The following SLC9A7 variants were observed in gnomAD, a reference collection of about 807,000 sequenced individuals.
The protein encoded by SLC9A7 is solute carrier family 9 member A7, also known as sodium/hydrogen exchanger 7.
Under a neutral mutation model 52.6 loss-of-function variants are expected in SLC9A7, and 19 were observed. That is an observed-to-expected ratio of 0.36 (90% CI 0.25 to 0.53). SLC9A7 has a LOEUF of 0.53. SLC9A7 is among the 20% of genes least tolerant of loss of function. SLC9A7 has a pLI of 0.91. For missense variants in SLC9A7, 455 were observed against 597.9 expected, an observed-to-expected ratio of 0.76 and a Z score of 2.49; for synonymous variants, 226 against 252.1, an observed-to-expected ratio of 0.90 and a Z score of 0.98.
chrX:46,758,665 G>C, intron 1 of SLC9A7, 40 bp downstream of exon 1: 1 of 975,324 alleles, frequency 1.0e-6, no homozygotes, highest in East Asian at 3.6e-5. Flanking sequence ...CGCGGCGGCC[G>C]AGGGGTGTGG....
chrX:46,625,011 T>C (rs1602144761), intron 14 of SLC9A7, among the ~76,000 whole-genome samples: 1 of 110,689 alleles, frequency 9.0e-6, no homozygotes, highest in East Asian at 2.8e-4. Flanking sequence ...GTGGCGAGGG[T>C]TGGGGGGTAG....
intron 1 of SLC9A7, chrX:46,725,830 G>A (rs770446678): frequency 1.3e-4 from 74 of 590,975 alleles, no homozygotes; most frequent in Middle Eastern, 8.6e-4. Context: ...TTGAGCGGCC[G>A]CAAAGAAACC....
At chrX:46,659,015 C>T (rs1943760416) in intron 7 of SLC9A7, among the ~76,000 whole-genome samples, 1 of 111,000 alleles carries the variant, frequency 9.0e-6, no homozygotes, top group Admixed American at 9.6e-5. Flanking sequence ...CATCAAAAAG[C>T]TTATCCACCA....
rs1013354713 is a variant in SLC9A7 at position 46,606,794 on chromosome X, G to A, written c.*158C>T. Reference sequence around the variant, plus strand: ...ACACTTTTGCCTCACCATCTGCATTGTGAGTTAAATTTTAAGTGTTACAAT... The same window carrying A: ...ACACTTTTGCCTCACCATCTGCATTATGAGTTAAATTTTAAGTGTTACAAT... On this transcript the variant is annotated 3_prime_UTR_variant, in exon 17 of 17. Coordinates refer to ENST00000616978, the MANE Select transcript of SLC9A7 (RefSeq NM_001257291.2). 33 of 1,108,712 alleles carry A rather than the reference G, an allele frequency of 3.0e-5. No homozygotes were observed. The East Asian group carries it at 5.1e-4, about 17-fold the overall frequency. 91.4% of individuals were successfully genotyped at this position (1,108,712 alleles called of 1,213,427 possible).
chrX:46,635,552 G>A, intron 13 of SLC9A7, 37 bp downstream of exon 13: 1 of 1,081,767 alleles, frequency 9.2e-7, no homozygotes. Context: ...GAAAAGCCAG[G>A]CCCAGTTAAT....
chrX:46,607,845 GAGGTCAGAC>G (rs1942777390), intron 16 of SLC9A7, among the ~76,000 whole-genome samples: 1 of 111,801 alleles, frequency 8.9e-6, no homozygotes, highest in African/African-American at 3.3e-5. Context: ...GAGACGGCAC[GAGGTCAGAC>G]AGGACCTTCT....
Position 46,631,907 on chromosome X carries a change from T to G in SLC9A7, c.1677-258A>C, listed in dbSNP as rs148531977. Among the ~76,000 whole-genome samples the G allele has an allele frequency of 1.3e-3, 146 of 112,013 alleles. 2 individuals are homozygous for G. Among genetic ancestry groups the G allele is most frequent in the South Asian group, 0.012 (33 of 2,673 alleles). ...AGCAAGGCCGCCGGAACACAACACA[T>G]GCTGGCAACTGTCCACTTGCTTTTC... On this transcript the variant is annotated intron_variant, in intron 13 of 16. Coordinates refer to ENST00000616978, the MANE Select transcript of SLC9A7 (RefSeq NM_001257291.2).
Position 46,605,797 on chromosome X carries a change from C to G in SLC9A7, c.*1155G>C, listed in dbSNP as rs773558331. On this transcript the variant is annotated 3_prime_UTR_variant, in exon 17 of 17. Coordinates refer to ENST00000616978, the MANE Select transcript of SLC9A7 (RefSeq NM_001257291.2). ...CAAAATTTGGTGTTATTTCTAAACC[C>G]AGAGTAGATACTTCAGTCCTAGTGA... The G allele has an allele frequency of 9.0e-6, 1 of 111,708 alleles. No homozygotes were observed. The highest frequency in any genetic ancestry group is 1.9e-5 in the Non-Finnish European group (1 of 53,170). The allele number at this position is 111,708 out of a possible 1,213,427, so 9.2% of individuals were successfully genotyped here.
rs747518289 is a variant in SLC9A7, at chrX:46,702,209, T to C, written c.326-19674A>G. 8.9e-5 allele frequency among the ~76,000 whole-genome samples: 10 copies of C among 112,231 alleles called. 1 individual carries two copies. In the South Asian group the frequency reaches 3.0e-3, roughly 34 times the overall value. On this transcript the variant is annotated intron_variant, in intron 1 of 16. Transcript: ENST00000616978. ...TATGGATACATTTTCTTTCTGCCTCTCTGTGGCACTTTCTGGATAATTTCT... is the reference window on the plus strand; with the variant it reads ...TATGGATACATTTTCTTTCTGCCTCCCTGTGGCACTTTCTGGATAATTTCT...
intron 1 of SLC9A7, among the ~76,000 whole-genome samples, chrX:46,717,761 G>A (rs1008657456): frequency 7.2e-5 from 8 of 111,159 alleles, no homozygotes; most frequent in South Asian, 7.7e-4. Context: ...CCTCTTAAAG[G>A]AGAACTACAA....
intron 1 of SLC9A7, among the ~76,000 whole-genome samples, chrX:46,695,703 C>G: frequency 9.0e-6 from 1 of 110,527 alleles, no homozygotes; most frequent in African/African-American, 3.3e-5. Context: ...CCTAGCTGGT[C>G]CAACTGTCAG....
At chrX:46,633,241 T>A (rs1030645298) in intron 13 of SLC9A7, among the ~76,000 whole-genome samples, 1 of 102,574 alleles carries the variant, frequency 9.7e-6, no homozygotes, top group Admixed American at 1.1e-4. Flanking sequence ...GGGAAGGCCC[T>A]TGGGGTCTCT....
chrX:46,751,766 C>T (rs910840547), intron 1 of SLC9A7, among the ~76,000 whole-genome samples: 9 of 111,173 alleles, frequency 8.1e-5, no homozygotes, highest in African/African-American at 3.3e-5. Context: ...GCTAGGATTA[C>T]ACCACTGTAC....
intron 1 of SLC9A7, among the ~76,000 whole-genome samples, chrX:46,742,204 G>A (rs868080656): frequency 4.5e-5 from 5 of 111,046 alleles, no homozygotes; most frequent in East Asian, 5.6e-4. Context: ...AAAACAGTTC[G>A]GCAGGTTTCT....
chrX:46,758,829 G>C lies in SLC9A7; in HGVS notation c.201C>G (p.His67Gln), dbSNP rs782502800. The C allele has an allele frequency of 9.1e-6, 11 of 1,205,599 alleles. No homozygotes were observed. Among genetic ancestry groups the C allele is most frequent in the Non-Finnish European group, 1.2e-5 (11 of 893,214 alleles). Residue 67 changes from histidine to glutamine, a missense_variant, in exon 1 of 17, where the codon CAC becomes CAG. By Grantham distance (24) the His-to-Gln change is conservative (BLOSUM62 0). Around this residue, in one of 3 missense-constraint regions of SLC9A7, gnomAD observed 304 missense variants for 417.8 expected, o/e 0.73. Transcript: ENST00000616978. The part of the protein sequence containing the change: ...LATEKEAEES[H>Q]RQDSVSLLTF... ...TGAGCAGGCTCACGCTGTCTTGCCG[G>C]TGGCTCTCCTCCGCCTCCTTCTCAG...
At chrX:46,686,284 T>G (rs1481413651) in intron 1 of SLC9A7, among the ~76,000 whole-genome samples, 1 of 111,973 alleles carries the variant, frequency 8.9e-6, no homozygotes, top group Non-Finnish European at 1.9e-5. Flanking sequence ...GATGTAAGGT[T>G]AACACCATCC....
rs972741318 is a variant in SLC9A7, at chrX:46,661,877, A to G, written c.1041+139T>C. On this transcript the variant is annotated intron_variant, in intron 7 of 16. Coordinates refer to ENST00000616978, the MANE Select transcript of SLC9A7 (RefSeq NM_001257291.2). ...AACCGTCATGCTTCACCAAAGTGACATATTTCAGGAGCCATCATGCCCCAG... is the reference window on the plus strand; with the variant it reads ...AACCGTCATGCTTCACCAAAGTGACGTATTTCAGGAGCCATCATGCCCCAG... 57 of 528,104 alleles carry G rather than the reference A, an allele frequency of 1.1e-4. 1 individual carries two copies. The highest frequency in any genetic ancestry group is 1.3e-4 in the Non-Finnish European group (45 of 337,598). The allele number at this position is 528,104 out of a possible 1,213,427, so 43.5% of individuals were successfully genotyped here.
chrX:46,750,068 A>T (rs1409174247), intron 1 of SLC9A7, among the ~76,000 whole-genome samples: 1 of 109,798 alleles, frequency 9.1e-6, no homozygotes, highest in East Asian at 2.8e-4. Context: ...GGGACAGAGC[A>T]AGACTCTGTC....
Position 46,683,460 on chromosome X carries a change from G to A in SLC9A7, c.326-925C>T, listed in dbSNP as rs777049755. The stretch of plus-strand genomic sequence containing the variant: ...GTGAAACACTGCAGTGTACATTTGA[G>A]GAGTCAGGATTCAGGGGCTGGAGAG... On this transcript the variant is annotated intron_variant, in intron 1 of 16. Transcript: ENST00000616978. Among the ~76,000 whole-genome samples, 204 of 111,738 alleles carry A rather than the reference G, an allele frequency of 1.8e-3. 2 individuals carry two copies. The highest frequency in any genetic ancestry group is 6.5e-3 in the African/African-American group (200 of 30,730).
Sources: allele counts gnomAD v4.1 joint callset (sites outside exome capture counted in the v4.1 genomes callset), GRCh38; gene constraint gnomAD v4.1.1; regional missense constraint gnomAD v4.1.1; transcripts MANE v1.5; gene names NCBI Gene and HGNC (gene_info 2026-07-23, HGNC 2026-07-21).